The following DCAF8L2 variants were observed in gnomAD, a reference collection of about 807,000 sequenced individuals.
The protein encoded by DCAF8L2 is DDB1 and CUL4 associated factor 8 like 2.
For missense variants in DCAF8L2, 430 were observed against 490.7 expected, an observed-to-expected ratio of 0.88 and a Z score of 1.17; for synonymous variants, 200 against 190.9, an observed-to-expected ratio of 1.05 and a Z score of -0.39.
At chrX:27,516,846 T>C in the DCAF8L2 span, among the ~76,000 whole-genome samples, 1 of 111,776 alleles carries the variant, frequency 8.9e-6, no homozygotes, top group Non-Finnish European at 1.9e-5. Flanking sequence ...TCCAGAAAGG[T>C]CCAGGTTTTA....
At chrX:27,691,185 A>T (rs1930698893) in intron 3 of DCAF8L2, among the ~76,000 whole-genome samples, 1 of 111,742 alleles carries the variant, frequency 8.9e-6, no homozygotes, top group South Asian at 3.7e-4. Context: ...ATTCATTAAC[A>T]TGTGAATCTA....
At chrX:27,642,355 T>C (rs1259429869) in intron 2 of DCAF8L2, among the ~76,000 whole-genome samples, 5 of 111,288 alleles carry the variant, frequency 4.5e-5, no homozygotes, top group African/African-American at 6.5e-5. Context: ...GTGCACCCTA[T>C]ATCTCATGTA....
chrX:27,683,621 T>C (rs896323466), intron 3 of DCAF8L2, among the ~76,000 whole-genome samples: 6 of 112,260 alleles, frequency 5.3e-5, no homozygotes, highest in Admixed American at 2.8e-4. Context: ...CACAGCTCTT[T>C]AGTCCTCAAG....
the DCAF8L2 span, among the ~76,000 whole-genome samples, chrX:27,517,432 G>A: frequency 1.5e-4 from 16 of 109,445 alleles, no homozygotes; most frequent in African/African-American, 5.3e-4. Flanking sequence ...CATTTAAAAT[G>A]TGCATAGAAC....
At chrX:27,692,190 A>C (rs1038588303) in intron 3 of DCAF8L2, among the ~76,000 whole-genome samples, 10 of 112,020 alleles carry the variant, frequency 8.9e-5, no homozygotes, top group African/African-American at 3.2e-4. Context: ...ACCTACGTTT[A>C]CTACAAAATT....
the DCAF8L2 span, among the ~76,000 whole-genome samples, chrX:27,564,625 T>C: frequency 1.8e-5 from 2 of 109,993 alleles, no homozygotes; most frequent in African/African-American, 6.6e-5. Flanking sequence ...GTAAAATGTA[T>C]TGGAGTGGAT....
chrX:27,634,655 C>G (rs922672642), intron 2 of DCAF8L2, among the ~76,000 whole-genome samples: 5 of 110,788 alleles, frequency 4.5e-5, no homozygotes, highest in African/African-American at 1.6e-4. Context: ...AAATCCGAAA[C>G]CTTTTGAGTG....
chrX:27,634,615 A>G (rs1428229802), intron 2 of DCAF8L2, among the ~76,000 whole-genome samples: 2 of 110,988 alleles, frequency 1.8e-5, no homozygotes, highest in African/African-American at 3.3e-5. Context: ...AGCACCCTCA[A>G]TCCAAAAATC....
chrX:27,515,549 GAAAC>G, the DCAF8L2 span, among the ~76,000 whole-genome samples: 3 of 111,501 alleles, frequency 2.7e-5, no homozygotes, highest in East Asian at 2.8e-4. Context: ...CAGTCTCAAA[GAAAC>G]AAACAAACAA....
At chrX:27,578,441 C>T in the DCAF8L2 span, among the ~76,000 whole-genome samples, 1 of 111,455 alleles carries the variant, frequency 9.0e-6, no homozygotes, top group African/African-American at 3.3e-5. Context: ...CACATAAAAG[C>T]CAAAACTATA....
chrX:27,655,121 A>T (rs1228917690), intron 2 of DCAF8L2, among the ~76,000 whole-genome samples: 1 of 111,308 alleles, frequency 9.0e-6, no homozygotes, highest in Non-Finnish European at 1.9e-5. Context: ...GTAGGGAAAA[A>T]TTAAAAGTAC....
At chrX:27,731,999 GTGT>G (rs926894369) in intron 4 of DCAF8L2, among the ~76,000 whole-genome samples, 24 of 110,953 alleles carry the variant, frequency 2.2e-4, no homozygotes, top group Admixed American at 1.2e-3. Flanking sequence ...CCTGGGTCCT[GTGT>G]TGTTGTTGTT....
chrX:27,697,946 A>G (rs937310197), intron 3 of DCAF8L2, among the ~76,000 whole-genome samples: 3 of 111,305 alleles, frequency 2.7e-5, no homozygotes, highest in African/African-American at 9.8e-5. Flanking sequence ...ATACGTGTAT[A>G]TAAGAACTCT....
the DCAF8L2 span, among the ~76,000 whole-genome samples, chrX:27,479,648 T>A: frequency 5.1e-4 from 57 of 112,154 alleles, no homozygotes; most frequent in African/African-American, 1.8e-3. Flanking sequence ...GTGGTATTCA[T>A]GGTGAATTTC....
chrX:27,687,329 G>A (rs1031323291), intron 3 of DCAF8L2, among the ~76,000 whole-genome samples: 22 of 111,621 alleles, frequency 2.0e-4, no homozygotes, highest in African/African-American at 6.9e-4. Flanking sequence ...AAGCAATTAG[G>A]GGGGAAAACC....
chrX:27,711,012 C>T (rs1369187989), intron 3 of DCAF8L2, among the ~76,000 whole-genome samples: 1 of 110,940 alleles, frequency 9.0e-6, no homozygotes, highest in Non-Finnish European at 1.9e-5. Flanking sequence ...AAAATATACA[C>T]CTACTATGTA....
At chrX:27,553,598 A>G in the DCAF8L2 span, among the ~76,000 whole-genome samples, 1 of 110,923 alleles carries the variant, frequency 9.0e-6, no homozygotes, top group Non-Finnish European at 1.9e-5. Context: ...TTCCATTTGC[A>G]TGGAATATTT....
At chrX:27,579,584 A>G in the DCAF8L2 span, among the ~76,000 whole-genome samples, 2 of 102,957 alleles carry the variant, frequency 1.9e-5, no homozygotes, top group African/African-American at 7.1e-5. Context: ...AGAAACTGCT[A>G]TTTGCCTATT....
chrX:27,493,721 A>G, the DCAF8L2 span, among the ~76,000 whole-genome samples: 4 of 35,295 alleles, frequency 1.1e-4, no homozygotes, highest in Non-Finnish European at 4.7e-4. Flanking sequence ...AAAAAAAAAA[A>G]AAGAAAAAAA....
Sources: gnomAD v4.1 joint callset for allele counts (sites outside exome capture counted in the v4.1 genomes callset) on GRCh38, gnomAD v4.1.1 for gene constraint, MANE v1.5 for transcripts, NCBI Gene and HGNC (gene_info 2026-07-23, HGNC 2026-07-21) for gene names.